ZBTB16: variants seen among roughly 807,000 people sequenced by gnomAD.
ZBTB16 encodes the protein zinc finger and BTB domain containing 16.
In ZBTB16, 8 loss-of-function variants were observed where a neutral mutation model predicts 56.8. That is an observed-to-expected ratio of 0.14 (90% confidence interval 0.08 to 0.25). ZBTB16 has a LOEUF of 0.25. Among genes scored for constraint, ZBTB16 ranks in the 10% least tolerant of loss-of-function variants. The pLI, the probability that ZBTB16 is intolerant of heterozygous loss-of-function variation, is 1.00. For missense variants in ZBTB16, 625 were observed against 903.0 expected, an observed-to-expected ratio of 0.69 and a Z score of 3.95; for synonymous variants, 363 against 368.5, an observed-to-expected ratio of 0.98 and a Z score of 0.17.
At chr11:114,154,814 A>G (rs1008218818) in intron 2 of ZBTB16, among the ~76,000 whole-genome samples, 1 of 152,172 alleles carries the variant, frequency 6.6e-6, no homozygotes, top group Non-Finnish European at 1.5e-5. Context: ...AAACAAAACA[A>G]TGTGATTGAG....
chr11:114,063,201 T>C lies in ZBTB16; in HGVS notation c.-90-10T>C. On this transcript the variant is annotated splice_polypyrimidine_tract_variant and intron_variant, in intron 1 of 6. Transcript: ENST00000335953. The surrounding 1 kb of genome is among the most constrained non-coding windows in gnomAD (Gnocchi z 6.5). Reference sequence around the variant, plus strand: ...ATCTCTTTTGCTTCTTCCCCTCTTCTTTCTCCTAGCCTCCTCTATTGGCCC... The same window carrying C: ...ATCTCTTTTGCTTCTTCCCCTCTTCCTTCTCCTAGCCTCCTCTATTGGCCC... 8.1e-6 allele frequency: 11 copies of C among 1,353,936 alleles called. No homozygotes were observed. Among genetic ancestry groups the C allele is most frequent in the Non-Finnish European group, 1.0e-5 (10 of 977,082 alleles). The allele number at this position is 1,353,936 out of a possible 1,614,324, so 83.9% of individuals were successfully genotyped here. A position where few individuals can be genotyped will look rare whatever the true frequency, so the allele number is the denominator to read the frequency against.
chr11:114,193,801 G>C (rs1943551213), intron 4 of ZBTB16, among the ~76,000 whole-genome samples: 1 of 152,124 alleles, frequency 6.6e-6, no homozygotes, highest in South Asian at 2.1e-4. Flanking sequence ...GAGACCCTGG[G>C]ACAGTAAAAA....
chr11:114,119,971 G>A (rs376637154), intron 2 of ZBTB16, among the ~76,000 whole-genome samples: 1 of 152,124 alleles, frequency 6.6e-6, no homozygotes, highest in Non-Finnish European at 1.5e-5. Flanking sequence ...TAGACTGAGC[G>A]CCTTTCTTAG....
chr11:114,164,050 CAA>C (rs895388960), intron 3 of ZBTB16, among the ~76,000 whole-genome samples: 3 of 152,148 alleles, frequency 2.0e-5, no homozygotes, highest in African/African-American at 7.2e-5. Context: ...GTATGCAAGA[CAA>C]AGTGTTTTGA....
chr11:114,213,292 T>G (rs1332895907), intron 4 of ZBTB16, among the ~76,000 whole-genome samples: 4 of 152,226 alleles, frequency 2.6e-5, no homozygotes, highest in African/African-American at 9.6e-5. Flanking sequence ...TAGGTATTTG[T>G]AGGACTCGCA....
At chr11:114,240,179 T>G (rs1457513892) in intron 4 of ZBTB16, among the ~76,000 whole-genome samples, 2 of 152,196 alleles carry the variant, frequency 1.3e-5, no homozygotes, top group Admixed American at 1.3e-4. Context: ...CTTCAGTGTC[T>G]GCAAAGGGAA....
At chr11:114,074,805 C>A (rs184574429) in intron 2 of ZBTB16, among the ~76,000 whole-genome samples, 6 of 152,360 alleles carry the variant, frequency 3.9e-5, no homozygotes, top group South Asian at 2.1e-4. Flanking sequence ...CTGACCCTGG[C>A]GGCATAACCT....
intron 2 of ZBTB16, among the ~76,000 whole-genome samples, chr11:114,128,389 G>C (rs1941571535): frequency 1.3e-5 from 2 of 152,242 alleles, no homozygotes; most frequent in South Asian, 4.1e-4. Context: ...TGGGCACAGT[G>C]GGGTGAAGTG....
intron 2 of ZBTB16, among the ~76,000 whole-genome samples, chr11:114,097,980 C>T (rs564146864): frequency 2.6e-5 from 4 of 152,228 alleles, no homozygotes; most frequent in African/African-American, 7.2e-5. Context: ...AGACTTGGTA[C>T]GTATGTGGTC....
At chr11:114,074,727 A>G (rs917225754) in intron 2 of ZBTB16, among the ~76,000 whole-genome samples, 13 of 152,242 alleles carry the variant, frequency 8.5e-5, no homozygotes, top group Non-Finnish European at 1.5e-4. Flanking sequence ...GGAAGTTCCT[A>G]TTAGCTTTAT....
chr11:114,148,416 C>CTCTCTCTCTCTCTGTCTGTCTGT (rs1942180424), intron 2 of ZBTB16, among the ~76,000 whole-genome samples: 1 of 46,154 alleles, frequency 2.2e-5, no homozygotes, highest in Non-Finnish European at 3.9e-5. Context: ...TCCCTCCCTC[C>CTCTCTCTCTCTCTGTCTGTCTGT]CTCCCTCCCT....
chr11:114,129,435 A>C (rs560257371), intron 2 of ZBTB16, among the ~76,000 whole-genome samples: 36 of 152,302 alleles, frequency 2.4e-4, no homozygotes, highest in African/African-American at 7.2e-4. Flanking sequence ...CAGATATCAT[A>C]ATTTTCCTCC....
At chr11:114,181,916 C>T (rs1453982654) in intron 3 of ZBTB16, among the ~76,000 whole-genome samples, 1 of 152,200 alleles carries the variant, frequency 6.6e-6, no homozygotes, top group East Asian at 1.9e-4. Context: ...TCTTGCCTTG[C>T]CTGGCGAGGG....
chr11:114,153,471 G>A (rs893694797), intron 2 of ZBTB16, among the ~76,000 whole-genome samples: 4 of 152,202 alleles, frequency 2.6e-5, no homozygotes, highest in Admixed American at 2.0e-4. Flanking sequence ...TAGGACATCC[G>A]GGTCTCTGAA....
intron 4 of ZBTB16, among the ~76,000 whole-genome samples, chr11:114,204,192 T>C (rs1633540): frequency 0.26 from 39,276 of 150,534 alleles, 5,643 homozygotes; most frequent in Middle Eastern, 0.4. Flanking sequence ...CTTGCTTTGT[T>C]TTCTAGGCTG....
At chr11:114,141,750 A>C (rs1941951484) in intron 2 of ZBTB16, among the ~76,000 whole-genome samples, 1 of 152,204 alleles carries the variant, frequency 6.6e-6, no homozygotes, top group South Asian at 2.1e-4. Context: ...AGGCTCTGCC[A>C]CTTACAAGCT....
At position 114,131,979 on chromosome 11, in the gene ZBTB16, CT is replaced by C. The variant is rs1941672679; in HGVS notation, c.1269-24356del. ...CAATGAGTTCACATACCAAAAAAGC[CT>C]TATGCAGAATCTAACTGGGTGTGTG... On this transcript the variant is annotated intron_variant, in intron 2 of 6. Coordinates refer to ENST00000335953, the MANE Select transcript of ZBTB16 (RefSeq NM_006006.6). Among the ~76,000 whole-genome samples the C allele has an allele frequency of 4.6e-5, 7 of 152,134 alleles. No homozygotes were observed. In the South Asian group the frequency reaches 1.5e-3, roughly 32 times the overall value.
rs1260361986 is a variant in ZBTB16 at position 114,063,594 on chromosome 11, C to G, written c.294C>G (p.Asp98Glu). 1 of 1,614,204 alleles carries G rather than the reference C, an allele frequency of 6.2e-7. No homozygotes were observed. Among genetic ancestry groups the G allele is most frequent in the Non-Finnish European group, 8.5e-7 (1 of 1,180,050 alleles). ...YTATLQAKAE[D>E]LDDLLYAAEI... The stretch of plus-strand genomic sequence containing the variant: ...CCACGCTGCAAGCCAAGGCGGAGGA[C>G]CTGGATGACCTGCTGTATGCGGCCG... The change falls in exon 2 of 7, where the codon GAC becomes GAG. Residue 98 changes from aspartate to glutamate, a missense_variant. Asp to Glu is a conservative substitution (Grantham distance 45). Around this residue, in one of 6 missense-constraint regions of ZBTB16, gnomAD observed 54 missense variants for 159.4 expected, o/e 0.34. Coordinates refer to ENST00000335953, the MANE Select transcript of ZBTB16 (RefSeq NM_006006.6). The surrounding 1 kb of genome is among the most constrained non-coding windows in gnomAD (Gnocchi z 6.5).
intron 4 of ZBTB16, among the ~76,000 whole-genome samples, chr11:114,228,904 C>T (rs1395100219): frequency 6.6e-6 from 1 of 152,186 alleles, no homozygotes; most frequent in African/African-American, 2.4e-5. Flanking sequence ...GCAGGCCTGG[C>T]GGGCGCCCTG....
Sources: gnomAD v4.1 joint callset for allele counts (sites outside exome capture counted in the v4.1 genomes callset) on GRCh38, gnomAD v4.1.1 for gene constraint, gnomAD v4.1.1 regional missense constraint, Gnocchi (gnomAD v3.1) non-coding constraint, MANE v1.5 for transcripts, NCBI Gene and HGNC (gene_info 2026-07-23, HGNC 2026-07-21) for gene names.